The following CSMD3 variants were observed in gnomAD, a reference collection of about 807,000 sequenced individuals.
CSMD3 encodes the protein CUB and sushi domain-containing protein 3.
CSMD3 carries 177 observed loss-of-function variants against 435.2 expected under a neutral mutation model. The observed-to-expected ratio is 0.41, with a 90% CI of 0.36 to 0.46. The LOEUF (loss-of-function observed/expected upper bound fraction) is 0.46, where lower values mean the gene tolerates loss of function less well. Among genes scored for constraint, CSMD3 ranks in the 20% least tolerant of loss-of-function variants. The pLI is 0.34. For synonymous variants in CSMD3, 1,656 were observed against 1,520.5 expected (o/e 1.09, Z -2.07); for missense variants, 4,265 against 4,504.6 (o/e 0.95, Z 1.52).
chr8:112,307,766 C>T (rs1821586257), intron 50 of CSMD3, among the ~76,000 whole-genome samples: 1 of 152,126 alleles, frequency 6.6e-6, no homozygotes, highest in East Asian at 1.9e-4. Flanking sequence ...AGATATCTAG[C>T]TTACACGTTT....
chr8:113,256,957 T>C (rs563254885), intron 3 of CSMD3, among the ~76,000 whole-genome samples: 25 of 152,170 alleles, frequency 1.6e-4, no homozygotes, highest in Non-Finnish European at 3.2e-4. Flanking sequence ...CAGATAGTTC[T>C]TATAAACACT....
chr8:112,731,006 C>A (rs186492567), intron 13 of CSMD3, among the ~76,000 whole-genome samples: 2 of 152,130 alleles, frequency 1.3e-5, no homozygotes, highest in African/African-American at 2.4e-5. Flanking sequence ...AATTTAAACA[C>A]CAAATTAAGG....
intron 54 of CSMD3, among the ~76,000 whole-genome samples, chr8:112,293,781 G>A (rs1460616058): frequency 6.6e-6 from 1 of 151,904 alleles, no homozygotes; most frequent in Non-Finnish European, 1.5e-5. Context: ...TTCCTAATTG[G>A]GCACAGGAAA....
intron 22 of CSMD3, among the ~76,000 whole-genome samples, chr8:112,598,985 A>G (rs1010953797): frequency 6.6e-6 from 1 of 150,480 alleles, no homozygotes; most frequent in Non-Finnish European, 1.5e-5. Flanking sequence ...CAAAACACCA[A>G]AAGCAATGGC....
intron 22 of CSMD3, among the ~76,000 whole-genome samples, chr8:112,603,089 G>T (rs1182116323): frequency 1.3e-5 from 2 of 152,180 alleles, no homozygotes; most frequent in Non-Finnish European, 2.9e-5. Flanking sequence ...TGTTGGCCAG[G>T]CTGGTCTCGA....
chr8:112,245,082 C>T (rs887706576), intron 64 of CSMD3, among the ~76,000 whole-genome samples: 1 of 151,844 alleles, frequency 6.6e-6, no homozygotes, highest in African/African-American at 2.4e-5. Context: ...AATTATATTG[C>T]TCTGGTATTA....
intron 6 of CSMD3, among the ~76,000 whole-genome samples, chr8:112,987,296 A>T (rs1325564598): frequency 6.6e-6 from 1 of 152,124 alleles, no homozygotes; most frequent in African/African-American, 2.4e-5. Flanking sequence ...AGGTAATGAA[A>T]ACTTGCTTCA....
In CSMD3 at chr8:112,492,547, G is replaced by C. The variant is rs2130852877; in HGVS notation, c.5220C>G (p.Thr1740=). The C allele has an allele frequency of 6.2e-7, 1 of 1,613,870 alleles. No individual in the cohort carries two copies. The highest frequency in any genetic ancestry group is 8.5e-7 in the Non-Finnish European group (1 of 1,179,802). The change falls in exon 31 of 71, where the codon ACC becomes ACG. Residue 1740 remains threonine (T), a synonymous_variant. Coordinates refer to ENST00000297405, the MANE Select transcript of CSMD3 (RefSeq NM_198123.2). ...GTCTTCCATCATCTCCCATGATACAGGTGAGTGTTGAATAACCTTGAAGAA... is the reference window on the plus strand; with the variant it reads ...GTCTTCCATCATCTCCCATGATACACGTGAGTGTTGAATAACCTTGAAGAA... ...GYVLQGYSTL[T]CIMGDDGRPG... is the part of the protein sequence containing the mutation.
chr8:112,907,440 C>T (rs995566517), intron 10 of CSMD3, among the ~76,000 whole-genome samples: 1 of 151,348 alleles, frequency 6.6e-6, no homozygotes, highest in African/African-American at 2.4e-5. Context: ...AGTTCCAGCA[C>T]ATATAAAAGC....
intron 5 of CSMD3, among the ~76,000 whole-genome samples, chr8:113,067,001 GA>G (rs1261614530): frequency 6.6e-6 from 1 of 152,028 alleles, no homozygotes; most frequent in Non-Finnish European, 1.5e-5. Flanking sequence ...AAAACCTGAA[GA>G]ATCATTTTTA....
chr8:112,363,294 G>C (rs749533033), intron 38 of CSMD3, among the ~76,000 whole-genome samples: 2 of 151,974 alleles, frequency 1.3e-5, no homozygotes, highest in Non-Finnish European at 2.9e-5. Flanking sequence ...TATTGTTGAA[G>C]TGTTTCAGGC....
At position 112,506,816 on chromosome 8, in the gene CSMD3, G is replaced by A. The variant is rs746411459; in HGVS notation, c.4770C>T (p.Gly1590=). The A allele has an allele frequency of 1.2e-6, 2 of 1,612,856 alleles. No homozygotes were observed. Among genetic ancestry groups the A allele is most frequent in the Non-Finnish European group, 8.5e-7 (1 of 1,179,066 alleles). ...SPPVCIAPCG[G]NLTGSSGFIL... ...TAAAGCCTGAAGATCCTGTTAAATT[G>A]CCTCCACAGGGTGCTTTAATTTAAA... The change falls in exon 29 of 71, where the codon GGC becomes GGT. Residue 1590 remains glycine (G), a synonymous_variant. Coordinates refer to ENST00000297405, the MANE Select transcript of CSMD3 (RefSeq NM_198123.2).
chr8:112,523,021 T>G (rs1225166758), intron 27 of CSMD3, among the ~76,000 whole-genome samples: 1 of 152,032 alleles, frequency 6.6e-6, no homozygotes, highest in Non-Finnish European at 1.5e-5. Context: ...GTTTTCTTAC[T>G]GCTTTGCTTG....
intron 16 of CSMD3, among the ~76,000 whole-genome samples, chr8:112,674,890 A>T (rs2075738474): frequency 6.6e-6 from 1 of 152,158 alleles, no homozygotes; most frequent in South Asian, 2.1e-4. Flanking sequence ...CAAACAACTT[A>T]TAATTCAAAC....
At chr8:112,618,134 A>G (rs1220506473) in intron 22 of CSMD3, among the ~76,000 whole-genome samples, 2 of 152,092 alleles carry the variant, frequency 1.3e-5, no homozygotes, top group Non-Finnish European at 2.9e-5. Flanking sequence ...CACCTAAAAG[A>G]TACTTTTTCC....
intron 15 of CSMD3, 147 bp downstream of exon 15, chr8:112,685,259 A>G: frequency 1.6e-6 from 1 of 644,462 alleles, no homozygotes; most frequent in Non-Finnish European, 2.6e-6. Flanking sequence ...AAATGAAGGA[A>G]GAAATGACCA....
rs1226540152 is a variant in CSMD3, at chr8:112,804,866, C to A, written c.1860-4592G>T. On this transcript the variant is annotated intron_variant, in intron 12 of 70. Coordinates refer to ENST00000297405, the MANE Select transcript of CSMD3 (RefSeq NM_198123.2). ...TTTTAGTAGAGACGGGGTTTCACCA[C>A]GTTGACCAGGATGGTCTGAGTCTCT... is the stretch of plus-strand genomic sequence containing the variant. Among the ~76,000 whole-genome samples the A allele has an allele frequency of 4.0e-5, 6 of 151,852 alleles. No homozygotes were observed. In the East Asian group the frequency reaches 1.2e-3, roughly 30 times the overall value.
At chr8:112,553,201 T>C (rs1457833746) in intron 25 of CSMD3, among the ~76,000 whole-genome samples, 1 of 152,070 alleles carries the variant, frequency 6.6e-6, no homozygotes, top group African/African-American at 2.4e-5. Context: ...CCCTTTCCCT[T>C]GTACTCTCCC....
chr8:113,061,424 C>T (rs2088607361), intron 5 of CSMD3, among the ~76,000 whole-genome samples: 1 of 151,832 alleles, frequency 6.6e-6, no homozygotes, highest in African/African-American at 2.4e-5. Context: ...AGTTAAGCTC[C>T]TATGAGGAAC....
Sources: gnomAD v4.1 joint callset for allele counts (sites outside exome capture counted in the v4.1 genomes callset) on GRCh38, gnomAD v4.1.1 for gene constraint, MANE v1.5 for transcripts, NCBI Gene and HGNC (gene_info 2026-07-23, HGNC 2026-07-21) for gene names.